The following ARHGEF26 variants were observed in gnomAD, a reference collection of about 807,000 sequenced individuals.
The protein encoded by ARHGEF26 is Rho guanine nucleotide exchange factor (GEF) 26.
Under a neutral mutation model 89.4 loss-of-function variants are expected in ARHGEF26, and 59 were observed. The ratio of observed to expected loss-of-function variants is 0.66; its 90% CI spans 0.54 to 0.82. The LOEUF (loss-of-function observed/expected upper bound fraction) is 0.82. ARHGEF26 is among the 40% of genes least tolerant of loss of function. The pLI, the probability that ARHGEF26 is intolerant of heterozygous loss-of-function variation, is 0.00. For missense variants in ARHGEF26, 1,234 were observed against 1,085.6 expected (o/e 1.14, Z -1.92); for synonymous variants, 500 against 428.4 (o/e 1.17, Z -2.06).
intron 9 of ARHGEF26, among the ~76,000 whole-genome samples, chr3:154,207,576 A>G (rs917338723): frequency 6.6e-5 from 10 of 152,322 alleles, no homozygotes; most frequent in Admixed American, 1.3e-4. Flanking sequence ...CAGAATTGCT[A>G]TTATTAAAAA....
chr3:154,187,557 AT>A lies in ARHGEF26; in HGVS notation c.1488-122del, dbSNP rs1232502880. 3.3e-5 allele frequency: 22 copies of A among 663,646 alleles called. No homozygotes were observed. The East Asian group carries it at 5.1e-4, about 16-fold the overall frequency. 41.1% of individuals were successfully genotyped at this position (663,646 alleles called of 1,614,324 possible). ...TAAAATTTTTATAGATTTTAAAAAT[AT>A]TTTTTAGTTGGTACTGTGTACTGTT... On this transcript the variant is annotated intron_variant, in intron 6 of 14. Coordinates refer to ENST00000465093, the MANE Select transcript of ARHGEF26 (RefSeq NM_015595.4).
chr3:154,140,900 C>T (rs1044580610), intron 4 of ARHGEF26, among the ~76,000 whole-genome samples: 71 of 151,042 alleles, frequency 4.7e-4, no homozygotes, highest in African/African-American at 1.5e-3. Flanking sequence ...TCATAACTTA[C>T]ACTTGAGCAC....
chr3:154,195,103 G>A (rs1343103527), intron 9 of ARHGEF26, among the ~76,000 whole-genome samples: 2 of 152,184 alleles, frequency 1.3e-5, no homozygotes, highest in Non-Finnish European at 2.9e-5. Flanking sequence ...GAAAGAGGAG[G>A]GCAGACATTA....
At chr3:154,203,775 T>C (rs1714822751) in intron 9 of ARHGEF26, among the ~76,000 whole-genome samples, 1 of 152,116 alleles carries the variant, frequency 6.6e-6, no homozygotes, top group Non-Finnish European at 1.5e-5. Flanking sequence ...TATAATGTAT[T>C]ACACTGATTG....
chr3:154,145,466 G>C lies in ARHGEF26; in HGVS notation c.1270-3923G>C, dbSNP rs149540994. On this transcript the variant is annotated intron_variant, in intron 4 of 14. Coordinates refer to ENST00000465093, the MANE Select transcript of ARHGEF26 (RefSeq NM_015595.4). ...GTAAACTCCATTGAGTTTTAGCTCA[G>C]ATGGGTGTTCAGTATAAATTAGTGC... Among the ~76,000 whole-genome samples, 66 of 152,292 alleles carry C rather than the reference G, an allele frequency of 4.3e-4. 7 individuals carry two copies. In the East Asian group the frequency reaches 4.8e-3, roughly 11 times the overall value.
At chr3:154,121,864 C>T in intron 1 of ARHGEF26, 78 bp from the exon 2 acceptor site, 4 of 1,319,098 alleles carry the variant, frequency 3.0e-6, no homozygotes, top group Non-Finnish European at 4.1e-6. Flanking sequence ...AGGGGGACCG[C>T]CGGTCTGGGA....
chr3:154,156,874 C>G (rs1720368904), intron 6 of ARHGEF26, among the ~76,000 whole-genome samples: 1 of 152,134 alleles, frequency 6.6e-6, no homozygotes, highest in Non-Finnish European at 1.5e-5. Flanking sequence ...TTAAGTATGT[C>G]ATAACCAGGG....
chr3:154,202,097 G>C (rs2108212570), intron 9 of ARHGEF26, among the ~76,000 whole-genome samples: 1 of 152,212 alleles, frequency 6.6e-6, no homozygotes, highest in African/African-American at 2.4e-5. Flanking sequence ...TGTCCTGAAT[G>C]GTATTGCCTA....
At chr3:154,253,233 C>T (rs536045323) in intron 13 of ARHGEF26, 50 bp downstream of exon 13, 5 of 1,603,094 alleles carry the variant, frequency 3.1e-6, no homozygotes, top group Non-Finnish European at 3.4e-6. Flanking sequence ...TGGGCTCTGC[C>T]CCCTGCTGGA....
At chr3:154,167,065 G>C (rs962280573) in intron 6 of ARHGEF26, among the ~76,000 whole-genome samples, 2 of 152,040 alleles carry the variant, frequency 1.3e-5, no homozygotes, top group African/African-American at 4.8e-5. Flanking sequence ...CCCCAAATAA[G>C]CCCAAGTTTT....
At chr3:154,196,261 G>A (rs1559891515) in intron 9 of ARHGEF26, among the ~76,000 whole-genome samples, 1 of 152,128 alleles carries the variant, frequency 6.6e-6, no homozygotes. Context: ...CTTCGTTAGT[G>A]TATTTGTTTA....
chr3:154,153,475 A>G (rs1047983231), intron 6 of ARHGEF26, among the ~76,000 whole-genome samples: 2 of 152,042 alleles, frequency 1.3e-5, no homozygotes, highest in Non-Finnish European at 2.9e-5. Context: ...TTTTCCAAGT[A>G]TATACATTGG....
At chr3:154,143,381 CT>C (rs1051743539) in intron 4 of ARHGEF26, among the ~76,000 whole-genome samples, 1 of 152,040 alleles carries the variant, frequency 6.6e-6, no homozygotes, top group East Asian at 1.9e-4. Flanking sequence ...GTTTTGTCAC[CT>C]TTTTTTAACA....
chr3:154,160,777 T>C (rs772343846), intron 6 of ARHGEF26, among the ~76,000 whole-genome samples: 3 of 152,154 alleles, frequency 2.0e-5, no homozygotes, highest in Admixed American at 6.6e-5. Context: ...ATGATTAACT[T>C]AATTAATTTG....
chr3:154,192,688 T>C (rs1292030574), intron 8 of ARHGEF26, among the ~76,000 whole-genome samples: 2 of 152,196 alleles, frequency 1.3e-5, no homozygotes, highest in African/African-American at 4.8e-5. Context: ...GAAGGAAACT[T>C]TGGTCCATAT....
chr3:154,255,407 T>G lies in ARHGEF26; in HGVS notation c.2550T>G (p.Cys850Trp), dbSNP rs1412166329. 2 of 1,613,718 alleles carry G rather than the reference T, an allele frequency of 1.2e-6. No homozygotes were observed. Among genetic ancestry groups the G allele is most frequent in the East Asian group, 4.5e-5 (2 of 44,860 alleles). ...FPMECAKEIT[C>W]QATIDKNVER... ...TGGAATGTGCCAAGGAGATAACATG[T>G]CAAGCTACAATTGATAAGAATGTGG... The change falls in exon 15 of 15, where the codon TGT (cysteine) becomes TGG (tryptophan). Residue 850 changes from cysteine to tryptophan, a missense_variant. Coordinates refer to ENST00000465093, the MANE Select transcript of ARHGEF26 (RefSeq NM_015595.4).
At chr3:154,146,159 G>A (rs959871687) in intron 4 of ARHGEF26, among the ~76,000 whole-genome samples, 6 of 152,236 alleles carry the variant, frequency 3.9e-5, no homozygotes, top group Admixed American at 1.3e-4. Context: ...CAGATTTGGT[G>A]TTTGGCAAGG....
At chr3:154,254,662 G>A (rs1718367784) in intron 13 of ARHGEF26, 58 bp from the exon 14 acceptor site, 1 of 1,325,142 alleles carries the variant, frequency 7.5e-7, no homozygotes, top group Non-Finnish European at 1.1e-6. Flanking sequence ...TACATTATTG[G>A]ATTGCACATG....
chr3:154,181,510 C>A (rs1437246279), intron 6 of ARHGEF26, among the ~76,000 whole-genome samples: 2 of 152,126 alleles, frequency 1.3e-5, no homozygotes, highest in Non-Finnish European at 2.9e-5. Context: ...GAGGAGGGCA[C>A]CGGACAGCGG....
Sources: allele counts gnomAD v4.1 joint callset (sites outside exome capture counted in the v4.1 genomes callset), GRCh38; gene constraint gnomAD v4.1.1; transcripts MANE v1.5; gene names NCBI Gene and HGNC (gene_info 2026-07-23, HGNC 2026-07-21).